COL28A1: variants seen among roughly 807,000 people sequenced by gnomAD.
COL28A1 encodes collagen type XXVIII alpha 1 chain, also known as collagen alpha-1(XXVIII) chain.
COL28A1 carries 161 observed loss-of-function variants against 150.2 expected under a neutral mutation model. That is an observed-to-expected ratio of 1.07 (90% CI 0.94 to 1.22). The LOEUF is 1.22. COL28A1 is among the 50% of genes most tolerant of loss of function. The probability of loss-of-function intolerance (pLI) is 0.00; values close to 1 mark genes in which losing one functional copy is unlikely to be tolerated. For synonymous variants in COL28A1, 552 were observed against 469.7 expected (o/e 1.18, Z -2.26); for missense variants, 1,617 against 1,388.3 (o/e 1.16, Z -2.62).
chr7:7,510,496 G>A (rs879006652), intron 9 of COL28A1, among the ~76,000 whole-genome samples: 1 of 152,192 alleles, frequency 6.6e-6, no homozygotes, highest in South Asian at 2.1e-4. Context: ...TATTGGTCAG[G>A]CTGGTCTCAA....
At chr7:7,481,268 A>G (rs1789363632) in intron 13 of COL28A1, among the ~76,000 whole-genome samples, 1 of 152,202 alleles carries the variant, frequency 6.6e-6, no homozygotes, top group South Asian at 2.1e-4. Context: ...ACGGAGAGTT[A>G]ATGCTCATGG....
intron 26 of COL28A1, among the ~76,000 whole-genome samples, chr7:7,419,232 G>C (rs994712114): frequency 6.6e-6 from 1 of 152,150 alleles, no homozygotes; most frequent in Non-Finnish European, 1.5e-5. Flanking sequence ...TCTTTCTGAT[G>C]GGAGGCTGTC....
intron 27 of COL28A1, among the ~76,000 whole-genome samples, chr7:7,391,885 C>T (rs1285835676): frequency 6.7e-6 from 1 of 149,604 alleles, no homozygotes; most frequent in African/African-American, 2.5e-5. Context: ...TGTCCTTGCA[C>T]ATGAGATGGG....
chr7:7,407,151 G>GA (rs1411696932), intron 27 of COL28A1, among the ~76,000 whole-genome samples: 2 of 151,814 alleles, frequency 1.3e-5, no homozygotes, highest in Non-Finnish European at 2.9e-5. Flanking sequence ...TGATTAGATT[G>GA]AAAAAATATA....
intron 27 of COL28A1, among the ~76,000 whole-genome samples, chr7:7,382,850 A>T (rs1334289575): frequency 6.6e-6 from 1 of 152,116 alleles, no homozygotes; most frequent in Non-Finnish European, 1.5e-5. Flanking sequence ...AGTCTGCTAA[A>T]GCTTGAGAGC....
chr7:7,364,302 A>G (rs749110941), intron 33 of COL28A1, among the ~76,000 whole-genome samples: 16 of 152,198 alleles, frequency 1.1e-4, no homozygotes, highest in Non-Finnish European at 4.4e-5. Flanking sequence ...ATATAAGCTC[A>G]TTTGTCTAAA....
chr7:7,347,496 T>A, the COL28A1 span, among the ~76,000 whole-genome samples: 1 of 152,126 alleles, frequency 6.6e-6, no homozygotes, highest in Admixed American at 6.6e-5. Context: ...CTCTTCTGGC[T>A]ACCTCCTTTT....
intron 27 of COL28A1, among the ~76,000 whole-genome samples, chr7:7,393,481 T>A (rs947732947): frequency 6.6e-6 from 1 of 152,230 alleles, no homozygotes; most frequent in African/African-American, 2.4e-5. Context: ...GCTTGAACGC[T>A]GGGCTGGGAG....
chr7:7,382,720 G>A (rs942588103), intron 27 of COL28A1, among the ~76,000 whole-genome samples: 3 of 152,106 alleles, frequency 2.0e-5, no homozygotes, highest in Non-Finnish European at 4.4e-5. Flanking sequence ...AAACTATCCT[G>A]ATCATCCCCA....
At chr7:7,543,234 T>C in the COL28A1 span, among the ~76,000 whole-genome samples, 1 of 152,222 alleles carries the variant, frequency 6.6e-6, no homozygotes, top group Admixed American at 6.5e-5. Flanking sequence ...CCAACAAGAA[T>C]GTTGGTTGGC....
At chr7:7,437,625 C>A (rs80008306) in intron 21 of COL28A1, among the ~76,000 whole-genome samples, 163 bp from the exon 22 acceptor site, 3,553 of 152,142 alleles carry the variant, frequency 0.023, 114 homozygotes, top group African/African-American at 0.074. Flanking sequence ...TTTGTAACCA[C>A]TGCTAGTTAT....
chr7:7,506,102 G>A (rs368991641), intron 10 of COL28A1, 35 bp from the exon 11 acceptor site: 6 of 1,023,938 alleles, frequency 5.9e-6, no homozygotes, highest in African/African-American at 1.6e-5. Flanking sequence ...TTAGTTCTGT[G>A]TACAAAAGGC....
chr7:7,463,095 T>C (rs1400071435), intron 15 of COL28A1, among the ~76,000 whole-genome samples: 1 of 151,846 alleles, frequency 6.6e-6, no homozygotes, highest in Non-Finnish European at 1.5e-5. Flanking sequence ...ATCTAAAAGT[T>C]TGAAAAATAT....
the COL28A1 span, among the ~76,000 whole-genome samples, chr7:7,339,898 ATTTG>A: frequency 3.9e-5 from 6 of 152,200 alleles, no homozygotes; most frequent in African/African-American, 1.2e-4. Flanking sequence ...TAGAAATAAC[ATTTG>A]TTTATTTCAT....
At chr7:7,457,368 G>A (rs922599217) in intron 15 of COL28A1, among the ~76,000 whole-genome samples, 1 of 152,118 alleles carries the variant, frequency 6.6e-6, no homozygotes, top group African/African-American at 2.4e-5. Flanking sequence ...GTAGAGTGAT[G>A]GGATTTGCTG....
rs146423875 is a variant in COL28A1 at position 7,362,693 on chromosome 7, A to G, written c.3067-2165T>C. 5.6e-3 allele frequency among the ~76,000 whole-genome samples: 855 copies of G among 152,288 alleles called. 13 individuals carry two copies. Among genetic ancestry groups the G allele is most frequent in the African/African-American group, 0.02 (817 of 41,550 alleles). On this transcript the variant is annotated intron_variant, in intron 33 of 34. Transcript: ENST00000399429. Reference sequence around the variant, plus strand: ...CAATAGGAAATTTTCACTGTCCCCTAAACACAACTTTTGGTACAAGTGGAG... The same window carrying G: ...CAATAGGAAATTTTCACTGTCCCCTGAACACAACTTTTGGTACAAGTGGAG...
intron 3 of COL28A1, among the ~76,000 whole-genome samples, chr7:7,525,017 A>G (rs1781942874): frequency 1.3e-5 from 2 of 152,240 alleles, no homozygotes; most frequent in Admixed American, 6.5e-5. Flanking sequence ...TATGTAAAAG[A>G]GGACTTACAT....
intron 3 of COL28A1, among the ~76,000 whole-genome samples, chr7:7,529,428 T>C (rs1388191364): frequency 2.6e-5 from 4 of 152,124 alleles, no homozygotes; most frequent in African/African-American, 9.7e-5. Flanking sequence ...CACCTCCTTC[T>C]AAAAAGTGGT....
chr7:7,417,549 GAGAGA>G (rs1784169313), intron 27 of COL28A1: 1 of 73,490 alleles, frequency 1.4e-5, no homozygotes, highest in Non-Finnish European at 2.5e-5. Context: ...AGGGGGGGGG[GAGAGA>G]GAGAGAGAGA....
Sources: gnomAD v4.1 joint callset for allele counts (sites outside exome capture counted in the v4.1 genomes callset) on GRCh38, gnomAD v4.1.1 for gene constraint, MANE v1.5 for transcripts, NCBI Gene and HGNC (gene_info 2026-07-23, HGNC 2026-07-21) for gene names.